The following ITSN1 variants were observed in gnomAD, a reference collection of about 807,000 sequenced individuals.
ITSN1 encodes the protein intersectin 1, also known as intersectin-1.
A neutral mutation model predicts 239.8 loss-of-function variants in ITSN1; 58 were observed. The ratio of observed to expected loss-of-function variants is 0.24; its 90% CI spans 0.20 to 0.30. The LOEUF (loss-of-function observed/expected upper bound fraction) is 0.30, where lower values mean the gene tolerates loss of function less well. Among genes scored for constraint, ITSN1 ranks in the 10% least tolerant of loss-of-function variants. ITSN1 has a pLI of 1.00. For synonymous variants in ITSN1, 780 were observed against 770.8 expected, an observed-to-expected ratio of 1.01 and a Z score of -0.20; for missense variants, 1,558 against 2,103.3, an observed-to-expected ratio of 0.74 and a Z score of 5.07.
chr21:33,736,002 A>G (rs2066478195), intron 5 of ITSN1, among the ~76,000 whole-genome samples: 1 of 152,146 alleles, frequency 6.6e-6, no homozygotes, highest in South Asian at 2.1e-4. Flanking sequence ...TCTCAAAACA[A>G]ACGTGATTCC....
chr21:33,881,758 A>G (rs1984951168), intron 34 of ITSN1, among the ~76,000 whole-genome samples: 1 of 152,080 alleles, frequency 6.6e-6, no homozygotes. Context: ...AGGTGGAACG[A>G]TCGCTTGAAG....
intron 19 of ITSN1, among the ~76,000 whole-genome samples, chr21:33,801,538 C>T (rs62227754): frequency 6.6e-5 from 10 of 152,170 alleles, no homozygotes; most frequent in Admixed American, 3.3e-4. Context: ...TCTTGGCTCA[C>T]TGCAGTTTCC....
intron 1 of ITSN1, among the ~76,000 whole-genome samples, chr21:33,687,878 A>G (rs1179300766): frequency 6.6e-6 from 1 of 152,174 alleles, no homozygotes; most frequent in African/African-American, 2.4e-5. Context: ...AGTTTGTTTG[A>G]TTTTTCAGGC....
intron 4 of ITSN1, among the ~76,000 whole-genome samples, chr21:33,730,577 T>C (rs1433532964): frequency 2.0e-5 from 3 of 151,862 alleles, no homozygotes; most frequent in Admixed American, 6.6e-5. Context: ...ATTTTTTGTA[T>C]TTTTAGTAGA....
chr21:33,808,377 G>A (rs1030191938), intron 20 of ITSN1, among the ~76,000 whole-genome samples: 2 of 152,116 alleles, frequency 1.3e-5, no homozygotes. Context: ...CTGAGGTCAG[G>A]AGTTCGAGAC....
chr21:33,679,698 CTT>C (rs34301203), intron 1 of ITSN1, among the ~76,000 whole-genome samples: 64 of 86,310 alleles, frequency 7.4e-4, no homozygotes, highest in African/African-American at 2.7e-3. Flanking sequence ...GATCCTTATC[CTT>C]TTTTTTTTTT....
In ITSN1 at chr21:33,750,411, T is replaced by A. The variant is rs2067472413; in HGVS notation, c.526+89T>A. The stretch of plus-strand genomic sequence containing the variant: ...AAATATTTTCTCTTCACGTTCTGAT[T>A]ATGTTTAAATGATATTTTAGTCCAG... On this transcript the variant is annotated intron_variant, in intron 6 of 39. Coordinates refer to ENST00000381318, the MANE Select transcript of ITSN1 (RefSeq NM_003024.3). 5 of 1,190,276 alleles carry A rather than the reference T, an allele frequency of 4.2e-6. No individual in the cohort carries two copies. The Admixed American group carries it at 8.3e-5, about 20-fold the overall frequency. The allele number at this position is 1,190,276 out of a possible 1,614,324, so 73.7% of individuals were successfully genotyped here.
At chr21:33,879,667 G>A (rs1984567901) in intron 34 of ITSN1, among the ~76,000 whole-genome samples, 1 of 152,150 alleles carries the variant, frequency 6.6e-6, no homozygotes, top group African/African-American at 2.4e-5. Context: ...AGATGTTAAA[G>A]TAAAATCAGT....
At chr21:33,841,546 A>G (rs1176198864) in intron 29 of ITSN1, among the ~76,000 whole-genome samples, 1 of 152,186 alleles carries the variant, frequency 6.6e-6, no homozygotes, top group Non-Finnish European at 1.5e-5. Context: ...CCCAAAAACA[A>G]CAGTGGCCTT....
Position 33,867,318 on chromosome 21 carries a change from T to C in ITSN1, c.4160T>C (p.Leu1387Pro), listed in dbSNP as rs201262861. ...KPMQRVTRYP[L>P]IIKNILENTP... The stretch of plus-strand genomic sequence containing the variant: ...ATGCAACGGGTAACAAGATACCCAC[T>C]GATCATTAAAAATGTAAGTACCTGT... Residue 1387 changes from leucine (L) to proline (P), a missense_variant, in exon 33 of 40, where the codon CTG becomes CCG. Leu to Pro is a moderately conservative substitution (Grantham distance 98). Around this residue, in one of 2 missense-constraint regions of ITSN1, gnomAD observed 576 missense variants for 893.3 expected, o/e 0.64. Transcript: ENST00000381318. 6.4e-5 allele frequency: 103 copies of C among 1,598,416 alleles called. No individual in the cohort carries two copies. Among genetic ancestry groups the C allele is most frequent in the Non-Finnish European group, 8.7e-5 (101 of 1,165,946 alleles).
intron 29 of ITSN1, chr21:33,838,235 C>A: frequency 1.0e-6 from 1 of 985,324 alleles, no homozygotes; most frequent in Non-Finnish European, 1.2e-6. Flanking sequence ...ATCTAGCTGT[C>A]CTCCTAAAGA....
intron 1 of ITSN1, among the ~76,000 whole-genome samples, chr21:33,693,040 G>A (rs1042959825): frequency 1.3e-5 from 2 of 151,858 alleles, no homozygotes; most frequent in South Asian, 2.1e-4. Flanking sequence ...CATGTGATCC[G>A]CCCACCTCGC....
intron 16 of ITSN1, among the ~76,000 whole-genome samples, chr21:33,791,321 G>A (rs980860792): frequency 6.6e-6 from 1 of 152,188 alleles, no homozygotes; most frequent in Non-Finnish European, 1.5e-5. Flanking sequence ...AGGTGCCAGA[G>A]CCTTCTGTTA....
intron 1 of ITSN1, among the ~76,000 whole-genome samples, chr21:33,685,050 C>G (rs973651017): frequency 1.3e-5 from 2 of 152,204 alleles, no homozygotes; most frequent in Non-Finnish European, 2.9e-5. Flanking sequence ...AATCTTGTCT[C>G]CATCCTGCCA....
chr21:33,758,897 A>G (rs2068096369), intron 8 of ITSN1, among the ~76,000 whole-genome samples: 2 of 152,178 alleles, frequency 1.3e-5, no homozygotes, highest in African/African-American at 2.4e-5. Context: ...CTAGGTTTCC[A>G]CAGAAGAGTT....
chr21:33,794,272 C>T (rs886303186), intron 16 of ITSN1, 69 bp from the exon 17 acceptor site: 5 of 1,177,466 alleles, frequency 4.2e-6, no homozygotes, highest in Non-Finnish European at 6.2e-6. Flanking sequence ...TGAAATGTTG[C>T]ATGCTGATAA....
chr21:33,763,229 CAAAAAA>C (rs71322243), intron 9 of ITSN1, among the ~76,000 whole-genome samples: 7 of 69,860 alleles, frequency 1.0e-4, no homozygotes, highest in Non-Finnish European at 1.3e-4. Flanking sequence ...GCCCCCCAAC[CAAAAAA>C]AAAAAAAAAA....
At chr21:33,811,619 G>A (rs1350165152) in intron 21 of ITSN1, among the ~76,000 whole-genome samples, 2 of 152,156 alleles carry the variant, frequency 1.3e-5, no homozygotes, top group Non-Finnish European at 2.9e-5. Context: ...AGCAAAAATT[G>A]AATTCAGTCA....
chr21:33,865,310 C>T lies in ITSN1; in HGVS notation c.4050C>T (p.Ala1350=). ...AALIQQKTDE[A]PDFKEFVKRL... ...TGATCCAGCAGAAGACGGATGAGGC[C>T]CCAGACTTCAAGGAGTTCGTCAAAG... Residue 1350 remains alanine, a synonymous_variant, in exon 32 of 40, where the codon GCC becomes GCT. Transcript: ENST00000381318. The surrounding 1 kb of genome is among the most constrained non-coding windows in gnomAD (Gnocchi z 4.4). The T allele has an allele frequency of 3.8e-6, 6 of 1,574,658 alleles. No individual in the cohort carries two copies. Among genetic ancestry groups the T allele is most frequent in the Non-Finnish European group, 4.3e-6 (5 of 1,160,068 alleles).
Sources: allele counts gnomAD v4.1 joint callset (sites outside exome capture counted in the v4.1 genomes callset), GRCh38; gene constraint gnomAD v4.1.1; regional missense constraint gnomAD v4.1.1; non-coding constraint Gnocchi (gnomAD v3.1); transcripts MANE v1.5; gene names NCBI Gene and HGNC (gene_info 2026-07-23, HGNC 2026-07-21).